The following TDP1 variants were observed in gnomAD, a reference collection of about 807,000 sequenced individuals.
TDP1 encodes tyrosyl-DNA phosphodiesterase 1, also known as tyr-DNA phosphodiesterase 1.
Under a neutral mutation model 81.5 loss-of-function variants are expected in TDP1, and 64 were observed. That is an observed-to-expected ratio of 0.79 (90% CI 0.64 to 0.97). The LOEUF is 0.97. Ranked by LOEUF, TDP1 falls within the 50% of genes least tolerant of loss-of-function variation. The probability of loss-of-function intolerance (pLI) is 0.00; values close to 1 mark genes in which losing one functional copy is unlikely to be tolerated. For missense variants in TDP1, 723 were observed against 743.8 expected (o/e 0.97, Z 0.33); for synonymous variants, 256 against 264.3 (o/e 0.97, Z 0.30).
chr14:89,981,139 G>C (rs1894925705), intron 8 of TDP1, among the ~76,000 whole-genome samples: 1 of 152,290 alleles, frequency 6.6e-6, no homozygotes, highest in African/African-American at 2.4e-5. Context: ...TTGGGGTAGG[G>C]CCTGGTCATG....
At chr14:89,975,173 T>C (rs1894137563) in intron 6 of TDP1, among the ~76,000 whole-genome samples, 1 of 152,216 alleles carries the variant, frequency 6.6e-6, no homozygotes, top group South Asian at 2.1e-4. Flanking sequence ...CCTCCTGGGT[T>C]CACGCCATTC....
intron 4 of TDP1, 78 bp from the exon 5 acceptor site, chr14:89,967,289 A>G (rs1893049204): frequency 6.9e-7 from 1 of 1,458,098 alleles, no homozygotes; most frequent in Non-Finnish European, 9.6e-7. Flanking sequence ...CCTTAAATGT[A>G]ATAACTAAAC....
chr14:90,032,508 A>C lies in TDP1; in HGVS notation c.1645-598A>C, dbSNP rs1285959602. On this transcript the variant is annotated intron_variant, in intron 15 of 16. Transcript: ENST00000335725. ...TGCGGCAGGCCTTGTGTTGGAAGGA[A>C]GTGGCAGTGTGAACATCAGCCTAGA... Among the ~76,000 whole-genome samples, 4 of 152,132 alleles carry C rather than the reference A, an allele frequency of 2.6e-5. No individual in the cohort carries two copies. In the East Asian group the frequency reaches 7.7e-4, roughly 29 times the overall value.
chr14:89,961,651 G>A (rs1024825601), intron 2 of TDP1, among the ~76,000 whole-genome samples: 3 of 152,140 alleles, frequency 2.0e-5, no homozygotes, highest in African/African-American at 7.2e-5. Context: ...ATCTCATCAT[G>A]GCCCGGAACT....
At chr14:90,013,500 T>C (rs1453896646) in intron 14 of TDP1, among the ~76,000 whole-genome samples, 1 of 152,162 alleles carries the variant, frequency 6.6e-6, no homozygotes, top group Non-Finnish European at 1.5e-5. Flanking sequence ...GTGCCTTTGC[T>C]CCTCCTTTGC....
rs202165305 is a variant in TDP1, at chr14:89,975,781, G to T, written c.757G>T (p.Ala253Ser). ...ATAAATGACTTCTTTTTCATCCTAG[G>T]CAAAGTTGGATATTGCGTTTGGAAC... The part of the protein sequence containing the change: ...KPYENISLCQ[A>S]KLDIAFGTHH... The change falls in exon 7 of 17, where the codon GCA becomes TCA. Residue 253 changes from alanine to serine, a missense_variant and splice_region_variant. Transcript: ENST00000335725. 4 of 1,611,930 alleles carry T rather than the reference G, an allele frequency of 2.5e-6. No individual in the cohort carries two copies. Among genetic ancestry groups the T allele is most frequent in the Non-Finnish European group, 3.4e-6 (4 of 1,178,298 alleles).
intron 14 of TDP1, among the ~76,000 whole-genome samples, chr14:90,010,495 A>G (rs1474112776): frequency 6.6e-6 from 1 of 152,222 alleles, no homozygotes; most frequent in Non-Finnish European, 1.5e-5. Context: ...TTGCTAATCA[A>G]CTGACCTTAA....
At position 89,985,224 on chromosome 14, in the gene TDP1, T is replaced by C. The variant is rs565896718; in HGVS notation, c.1131+14T>C. 3.9e-6 allele frequency: 6 copies of C among 1,535,408 alleles called. No individual in the cohort carries two copies. The East Asian group carries it at 9.1e-5, about 23-fold the overall frequency. ...AGACTTAAGAAGGTAACAGAACTTT[T>C]ACTATTTTAACATTTTTAAAAAATT... On this transcript the variant is annotated intron_variant, in intron 10 of 16. Transcript: ENST00000335725.
chr14:89,995,520 A>G (rs1451787837), intron 14 of TDP1, among the ~76,000 whole-genome samples: 1 of 152,264 alleles, frequency 6.6e-6, no homozygotes, highest in Non-Finnish European at 1.5e-5. Flanking sequence ...GAGCATTCCA[A>G]TATGATTAAA....
intron 14 of TDP1, among the ~76,000 whole-genome samples, chr14:90,010,395 A>G (rs184036770): frequency 6.6e-6 from 1 of 152,332 alleles, no homozygotes; most frequent in East Asian, 1.9e-4. Flanking sequence ...AATAATGGCC[A>G]CCCAAAGATG....
At chr14:90,018,969 A>G (rs1885642898) in intron 14 of TDP1, 2 of 981,890 alleles carry the variant, frequency 2.0e-6, no homozygotes, top group African/African-American at 3.5e-5. Context: ...TGCTAGTTTT[A>G]TGTACAACAA....
intron 16 of TDP1, among the ~76,000 whole-genome samples, chr14:90,039,394 T>C (rs1888137075): frequency 6.6e-6 from 1 of 152,200 alleles, no homozygotes; most frequent in Admixed American, 6.5e-5. Flanking sequence ...GTTCATCTCT[T>C]TGGCATTCCA....
At position 90,029,631 on chromosome 14, in the gene TDP1, T is replaced by G. The variant is rs561923449; in HGVS notation, c.1645-3475T>G. Among the ~76,000 whole-genome samples, 9 of 151,790 alleles carry G rather than the reference T, an allele frequency of 5.9e-5. No homozygotes were observed. In the South Asian group the frequency reaches 1.7e-3, roughly 28 times the overall value. ...CTCCTGTCTCAGCCTCCCAAGTAGC[T>G]GGGATTACAGGCATACTCCACCATG... On this transcript the variant is annotated intron_variant, in intron 15 of 16. Coordinates refer to ENST00000335725, the MANE Select transcript of TDP1 (RefSeq NM_018319.4).
chr14:89,996,941 C>T (rs1896694663), intron 14 of TDP1, among the ~76,000 whole-genome samples: 3 of 152,180 alleles, frequency 2.0e-5, no homozygotes, highest in Admixed American at 2.0e-4. Context: ...CATTACTCAG[C>T]AAATATGTAT....
chr14:90,003,651 G>C (rs146541971), intron 14 of TDP1, among the ~76,000 whole-genome samples: 1 of 152,292 alleles, frequency 6.6e-6, no homozygotes, highest in Non-Finnish European at 1.5e-5. Context: ...TGTGTATTGT[G>C]GGTGGTCAGA....
At chr14:90,039,410 C>T (rs1888138962) in intron 16 of TDP1, among the ~76,000 whole-genome samples, 1 of 152,114 alleles carries the variant, frequency 6.6e-6, no homozygotes, top group Non-Finnish European at 1.5e-5. Context: ...TTCCACCCTG[C>T]CCCCACACCC....
At chr14:89,959,985 T>A (rs1001354023) in intron 2 of TDP1, among the ~76,000 whole-genome samples, 1 of 152,204 alleles carries the variant, frequency 6.6e-6, no homozygotes, top group African/African-American at 2.4e-5. Context: ...TAAGACCTGC[T>A]ACTTACTTTA....
chr14:90,021,153 C>T (rs1268016424), intron 15 of TDP1, among the ~76,000 whole-genome samples: 1 of 152,156 alleles, frequency 6.6e-6, no homozygotes, highest in East Asian at 1.9e-4. Context: ...TTCACTGTTT[C>T]TCACACCGTG....
At chr14:89,989,164 T>A in intron 11 of TDP1, 74 bp downstream of exon 11, 7 of 1,526,158 alleles carry the variant, frequency 4.6e-6, no homozygotes, top group Non-Finnish European at 6.3e-6. Context: ...TTGGTCCTCT[T>A]TGTAATGGAG....
Sources: allele counts gnomAD v4.1 joint callset (sites outside exome capture counted in the v4.1 genomes callset), GRCh38; gene constraint gnomAD v4.1.1; transcripts MANE v1.5; gene names NCBI Gene and HGNC (gene_info 2026-07-23, HGNC 2026-07-21).